Variants in LCP2 observed in about 807,000 individuals in gnomAD.
LCP2 encodes lymphocyte cytosolic protein 2, also known as 76 kDa tyrosine phosphoprotein.
LCP2 carries 29 observed loss-of-function variants against 74.5 expected under a neutral mutation model. That is an observed-to-expected ratio of 0.39 (90% CI 0.29 to 0.53). The LOEUF (loss-of-function observed/expected upper bound fraction) is 0.53. Among genes scored for constraint, LCP2 ranks in the 20% least tolerant of loss-of-function variants. The pLI, the probability that LCP2 is intolerant of heterozygous loss-of-function variation, is 0.72. For missense variants in LCP2, 604 were observed against 634.6 expected (o/e 0.95, Z 0.52); for synonymous variants, 228 against 229.5 (o/e 0.99, Z 0.06).
At chr5:170,297,064 C>T (rs149844693) in intron 1 of LCP2, among the ~76,000 whole-genome samples, 33 of 152,284 alleles carry the variant, frequency 2.2e-4, no homozygotes, top group African/African-American at 7.0e-4. Flanking sequence ...TAGTAAGTAG[C>T]GTTGATCTCA....
At chr5:170,278,011 T>G (rs2113194054) in intron 3 of LCP2, among the ~76,000 whole-genome samples, 1 of 151,648 alleles carries the variant, frequency 6.6e-6, no homozygotes, top group African/African-American at 2.4e-5. Flanking sequence ...CATGGTTCTT[T>G]TTGGTTCCCT....
In LCP2 at chr5:170,262,648, G is replaced by C. The variant is rs1761676207; in HGVS notation, c.913C>G (p.Pro305Ala). The C allele has an allele frequency of 5.6e-6, 9 of 1,612,720 alleles. No homozygotes were observed. Among genetic ancestry groups the C allele is most frequent in the Non-Finnish European group, 7.6e-6 (9 of 1,178,962 alleles). ...ERSSPLPGKKPPVPKHGWGPD... is the reference protein window; with the variant it reads ...ERSSPLPGKKAPVPKHGWGPD... The stretch of plus-strand genomic sequence containing the variant: ...CCAGACAATTACTTTGGCACAGGTG[G>C]CTTCTTCCCTGGCAGGGGGCTGCTC... The change falls in exon 13 of 21, where the codon CCA (proline) becomes GCA (alanine). Residue 305 changes from proline (P) to alanine (A), a missense_variant. Pro to Ala is a conservative substitution (Grantham distance 27). Transcript: ENST00000046794.
chr5:170,293,484 G>A lies in LCP2; in HGVS notation c.79-112C>T, dbSNP rs1342053149. Reference sequence around the variant, plus strand: ...CTTTGCGGTACTTGTGGCTAGCCAGGCTCCCCACTGCCCTCCCTTGGCTAA... The same window carrying A: ...CTTTGCGGTACTTGTGGCTAGCCAGACTCCCCACTGCCCTCCCTTGGCTAA... On this transcript the variant is annotated intron_variant, in intron 1 of 20. Coordinates refer to ENST00000046794, the MANE Select transcript of LCP2 (RefSeq NM_005565.5). 11 of 962,478 alleles carry A rather than the reference G, an allele frequency of 1.1e-5. No homozygotes were observed. The Admixed American group carries it at 2.3e-4, about 20-fold the overall frequency. The allele number at this position is 962,478 out of a possible 1,614,324, so 59.6% of individuals were successfully genotyped here.
intron 10 of LCP2, among the ~76,000 whole-genome samples, chr5:170,264,535 G>T (rs767669603): frequency 6.6e-6 from 1 of 152,268 alleles, no homozygotes; most frequent in Non-Finnish European, 1.5e-5. Flanking sequence ...CTGACACTGA[G>T]TGTGGTGGCT....
chr5:170,247,036 C>A lies in LCP2; in HGVS notation c.*1661G>T. On this transcript the variant is annotated 3_prime_UTR_variant, in exon 21 of 21. Transcript: ENST00000046794. ...ATAGTTGCTTTGAAATCTATCAGGT[C>A]CTTCATTTTAGATATTTTTGAATTG... 2 of 152,090 alleles carry A rather than the reference C, an allele frequency of 1.3e-5. 1 individual carries two copies. Among genetic ancestry groups the A allele is most frequent in the East Asian group, 3.8e-4 (2 of 5,198 alleles). 9.4% of individuals were successfully genotyped at this position (152,090 alleles called of 1,614,324 possible). A position where few individuals can be genotyped will look rare whatever the true frequency, so the allele number is the denominator to read the frequency against.
intron 13 of LCP2, among the ~76,000 whole-genome samples, chr5:170,261,861 A>C (rs764494142): frequency 5.3e-5 from 8 of 152,038 alleles, no homozygotes; most frequent in Non-Finnish European, 8.8e-5. Flanking sequence ...TCATCATCTC[A>C]TTCTGTGTTT....
chr5:170,259,228 T>A (rs1761612645), intron 14 of LCP2, among the ~76,000 whole-genome samples: 1 of 152,200 alleles, frequency 6.6e-6, no homozygotes. Flanking sequence ...GTTCCCCTAG[T>A]GACCCCCCAA....
chr5:170,287,650 C>T (rs1445021124), intron 3 of LCP2: 10 of 381,182 alleles, frequency 2.6e-5, no homozygotes, highest in Non-Finnish European at 4.9e-5. Context: ...AGTGGTGATG[C>T]CATGATGAAA....
At position 170,270,573 on chromosome 5, in the gene LCP2, G is replaced by A. The variant is rs1761878064; in HGVS notation, c.523+146C>T. On this transcript the variant is annotated intron_variant, in intron 7 of 20. Transcript: ENST00000046794. ...AGAGAGACAGAGTTACTTGTACAAA[G>A]CCACATAGCTGTTAAGAAGCCGAGC... 4.7e-6 allele frequency: 3 copies of A among 632,138 alleles called. No individual in the cohort carries two copies. In the East Asian group the frequency reaches 8.9e-5, roughly 19 times the overall value. The allele number at this position is 632,138 out of a possible 1,614,324, so 39.2% of individuals were successfully genotyped here. A position where few individuals can be genotyped will look rare whatever the true frequency, so the allele number is the denominator to read the frequency against.
At position 170,262,949 on chromosome 5, in the gene LCP2, A is replaced by C; in HGVS notation, c.798+18T>G. On this transcript the variant is annotated intron_variant, in intron 11 of 20. Coordinates refer to ENST00000046794, the MANE Select transcript of LCP2 (RefSeq NM_005565.5). ...GTGAAACAAACAAACACAACCAAAA[A>C]ACAAGTTCACAGCTTACCTTGTCAG... The C allele has an allele frequency of 1.9e-6, 3 of 1,614,000 alleles. No individual in the cohort carries two copies. The South Asian group carries it at 3.3e-5, about 18-fold the overall frequency.
chr5:170,262,047 C>T (rs1761664071), intron 13 of LCP2, among the ~76,000 whole-genome samples: 1 of 152,146 alleles, frequency 6.6e-6, no homozygotes, highest in Admixed American at 6.5e-5. Context: ...GTTATGACCC[C>T]TGATTCACAA....
At chr5:170,275,047 C>T (rs1761984392) in intron 5 of LCP2, among the ~76,000 whole-genome samples, 1 of 151,982 alleles carries the variant, frequency 6.6e-6, no homozygotes, top group Admixed American at 6.6e-5. Flanking sequence ...GAGGTGGGGT[C>T]CCTCTGTTTT....
chr5:170,271,734 A>G (rs1761900182), intron 6 of LCP2, among the ~76,000 whole-genome samples: 1 of 152,012 alleles, frequency 6.6e-6, no homozygotes, highest in South Asian at 2.1e-4. Context: ...AGCGCTCATC[A>G]TGGTCATGCC....
At chr5:170,267,453 T>C (rs867944259) in intron 8 of LCP2, 1 of 256,864 alleles carries the variant, frequency 3.9e-6, no homozygotes, top group Non-Finnish European at 7.7e-6. Flanking sequence ...AGAATCTTCT[T>C]GCAGTTCCTG....
intron 13 of LCP2, 25 bp downstream of exon 13, chr5:170,262,610 A>C (rs1481095818): frequency 6.4e-7 from 1 of 1,559,820 alleles, no homozygotes; most frequent in African/African-American, 1.4e-5. Flanking sequence ...GTGAGTGACA[A>C]GCTCAAGCAA....
In LCP2 at chr5:170,274,347, G is replaced by A. The variant is rs769825752; in HGVS notation, c.287-9C>T. The A allele has an allele frequency of 1.9e-6, 3 of 1,612,700 alleles. No individual in the cohort carries two copies. Among genetic ancestry groups the A allele is most frequent in the East Asian group, 4.5e-5 (2 of 44,850 alleles). ...GTCCTCTTCGTGGCTTTCTGTGGAA[G>A]GAGATGACACCACCATCAGCACTGA... On this transcript the variant is annotated splice_polypyrimidine_tract_variant and intron_variant, in intron 5 of 20. Coordinates refer to ENST00000046794, the MANE Select transcript of LCP2 (RefSeq NM_005565.5).
chr5:170,269,646 C>T (rs1005166415), intron 7 of LCP2, among the ~76,000 whole-genome samples: 1 of 152,222 alleles, frequency 6.6e-6, no homozygotes, highest in Non-Finnish European at 1.5e-5. Context: ...CTCAGGCAAA[C>T]GCTCCAGCCT....
At chr5:170,251,945 G>T in intron 19 of LCP2, 2 of 247,432 alleles carry the variant, frequency 8.1e-6, no homozygotes, top group East Asian at 8.3e-5. Context: ...TAAAGTTTCG[G>T]CACTGGCTAC....
Position 170,250,810 on chromosome 5 carries a change from C to T in LCP2, c.1399G>A (p.Asp467Asn), listed in dbSNP as rs747375090. 3.5e-5 allele frequency: 57 copies of T among 1,611,650 alleles called. No homozygotes were observed. In the East Asian group the frequency reaches 1.2e-3, roughly 35 times the overall value. Residue 467 changes from aspartate (D) to asparagine (N), a missense_variant, in exon 20 of 21, where the codon GAT becomes AAT. Coordinates refer to ENST00000046794, the MANE Select transcript of LCP2 (RefSeq NM_005565.5). ...CGGATCTGGATGTTGTAAACTTTAT[C>T]TTTGTACAACACCATGAGGACATAT... is the stretch of plus-strand genomic sequence containing the variant. ...NPYVLMVLYK[D>N]KVYNIQIRYQ...
Sources: gnomAD v4.1 joint callset for allele counts (sites outside exome capture counted in the v4.1 genomes callset) on GRCh38, gnomAD v4.1.1 for gene constraint, MANE v1.5 for transcripts, NCBI Gene and HGNC (gene_info 2026-07-23, HGNC 2026-07-21) for gene names.